PIK3C3: variants seen among roughly 807,000 people sequenced by gnomAD.
The protein encoded by PIK3C3 is PI3-kinase type 3.
In PIK3C3, 95 loss-of-function variants were observed where a neutral mutation model predicts 126.1. That is an observed-to-expected ratio of 0.75 (90% CI 0.64 to 0.89). PIK3C3 has a LOEUF of 0.89. PIK3C3 is among the 40% of genes least tolerant of loss of function. The probability of loss-of-function intolerance (pLI) is 0.00; values close to 1 mark genes in which losing one functional copy is unlikely to be tolerated. For missense variants in PIK3C3, 829 were observed against 1,063.2 expected, an observed-to-expected ratio of 0.78 and a Z score of 3.06; for synonymous variants, 374 against 360.0, an observed-to-expected ratio of 1.04 and a Z score of -0.44.
chr18:42,007,788 T>C (rs1982622544), intron 10 of PIK3C3, among the ~76,000 whole-genome samples: 1 of 152,222 alleles, frequency 6.6e-6, no homozygotes, highest in Non-Finnish European at 1.5e-5. Context: ...AAAAGCAGTC[T>C]AGTTTTTCAT....
chr18:41,979,943 G>A (rs1278276447), intron 4 of PIK3C3, among the ~76,000 whole-genome samples: 1 of 151,086 alleles, frequency 6.6e-6, no homozygotes, highest in African/African-American at 2.4e-5. Context: ...AGACTATTTT[G>A]TTTATAAATT....
intron 16 of PIK3C3, 23 bp downstream of exon 16, chr18:42,033,980 G>A (rs755358159): frequency 1.3e-6 from 2 of 1,526,428 alleles, no homozygotes; most frequent in East Asian, 4.8e-5. Flanking sequence ...GATATTTAAT[G>A]TGTATGATTG....
At chr18:42,046,144 T>C (rs1447220681) in intron 20 of PIK3C3, among the ~76,000 whole-genome samples, 2 of 152,200 alleles carry the variant, frequency 1.3e-5, no homozygotes, top group African/African-American at 4.8e-5. Context: ...CATTATATCT[T>C]ATCTCTCCCC....
chr18:42,042,064 T>G (rs1567996824), intron 19 of PIK3C3, among the ~76,000 whole-genome samples: 1 of 152,180 alleles, frequency 6.6e-6, no homozygotes, highest in Non-Finnish European at 1.5e-5. Context: ...GATTGTTTGT[T>G]CAAATAATAT....
intron 21 of PIK3C3, among the ~76,000 whole-genome samples, chr18:42,054,302 G>A (rs891385323): frequency 2.0e-5 from 3 of 150,062 alleles, no homozygotes; most frequent in Non-Finnish European, 4.4e-5. Flanking sequence ...TGAAGAACTT[G>A]GAGTCGGATG....
chr18:42,025,563 A>G (rs970031743), intron 13 of PIK3C3: 2 of 152,212 alleles, frequency 1.3e-5, no homozygotes, highest in Non-Finnish European at 2.9e-5. Context: ...GAACCCTGCT[A>G]CATGAGAATT....
chr18:41,990,448 T>C lies in PIK3C3; in HGVS notation c.619-11T>C. The C allele has an allele frequency of 3.4e-6, 5 of 1,456,844 alleles. No homozygotes were observed. The highest frequency in any genetic ancestry group is 9.6e-7 in the Non-Finnish European group (1 of 1,038,890). 90.2% of individuals were successfully genotyped at this position (1,456,844 alleles called of 1,614,324 possible). A position where few individuals can be genotyped will look rare whatever the true frequency, so the allele number is the denominator to read the frequency against. Reference sequence around the variant, plus strand: ...ATAATCATTTTTCATGAAAATCATTTTTTTTTTCAGAGTGAAAAACGAAGT... The same window carrying C: ...ATAATCATTTTTCATGAAAATCATTCTTTTTTTCAGAGTGAAAAACGAAGT... On this transcript the variant is annotated splice_polypyrimidine_tract_variant and intron_variant, in intron 5 of 24. Coordinates refer to ENST00000262039, the MANE Select transcript of PIK3C3 (RefSeq NM_002647.4).
At chr18:41,975,762 C>T (rs540977819) in intron 4 of PIK3C3, among the ~76,000 whole-genome samples, 3 of 150,178 alleles carry the variant, frequency 2.0e-5, no homozygotes, top group South Asian at 4.2e-4. Context: ...TGCAGTGGCA[C>T]GATGTCAGCT....
At chr18:42,071,610 G>A (rs1236869921) in intron 24 of PIK3C3, among the ~76,000 whole-genome samples, 1 of 151,512 alleles carries the variant, frequency 6.6e-6, no homozygotes, top group Non-Finnish European at 1.5e-5. Flanking sequence ...ATCCCAGCTA[G>A]TCGGGAGGCT....
intron 16 of PIK3C3, among the ~76,000 whole-genome samples, chr18:42,034,248 C>T (rs1429662452): frequency 2.0e-5 from 3 of 151,882 alleles, no homozygotes; most frequent in Admixed American, 2.0e-4. Context: ...GAGATGGGTC[C>T]TCACTTTGTT....
At chr18:42,076,103 T>TGC (rs1371001159) in intron 24 of PIK3C3, among the ~76,000 whole-genome samples, 2 of 66,578 alleles carry the variant, frequency 3.0e-5, no homozygotes, top group African/African-American at 7.8e-5. Flanking sequence ...TATATATATA[T>TGC]ATATATATAT....
At chr18:42,021,730 A>G (rs533152991) in intron 13 of PIK3C3, among the ~76,000 whole-genome samples, 1 of 152,344 alleles carries the variant, frequency 6.6e-6, no homozygotes, top group East Asian at 1.9e-4. Flanking sequence ...ACCAAATCCA[A>G]AAATTTGAAA....
At chr18:41,966,876 A>C (rs890919287) in intron 3 of PIK3C3, among the ~76,000 whole-genome samples, 1 of 152,128 alleles carries the variant, frequency 6.6e-6, no homozygotes, top group Non-Finnish European at 1.5e-5. Context: ...CAGTTATCCA[A>C]ACATAACTAA....
At chr18:42,024,607 G>A (rs113863789) in intron 13 of PIK3C3, among the ~76,000 whole-genome samples, 1 of 148,564 alleles carries the variant, frequency 6.7e-6, no homozygotes, top group Non-Finnish European at 1.5e-5. Flanking sequence ...GGCTAATTTT[G>A]TATTTTTAGT....
In PIK3C3 at chr18:42,086,406, T is replaced by G. The variant is rs1986399702; in HGVS notation, c.*5269T>G. On this transcript the variant is annotated 3_prime_UTR_variant, in exon 25 of 25. Transcript: ENST00000262039. ...TGAACTAGAGCAACTCCATCTTGAGTAGGGACTGGGTATAATGAAGCTGAG... is the reference window on the plus strand; with the variant it reads ...TGAACTAGAGCAACTCCATCTTGAGGAGGGACTGGGTATAATGAAGCTGAG... The G allele has an allele frequency of 1.3e-5, 2 of 152,062 alleles. No individual in the cohort carries two copies. The highest frequency in any genetic ancestry group is 4.8e-5 in the African/African-American group (2 of 41,392). The allele number at this position is 152,062 out of a possible 1,614,324, so 9.4% of individuals were successfully genotyped here.
chr18:41,973,517 A>G (rs1237910865), intron 4 of PIK3C3, among the ~76,000 whole-genome samples: 1 of 152,104 alleles, frequency 6.6e-6, no homozygotes, highest in Non-Finnish European at 1.5e-5. Context: ...TCTTAAAATT[A>G]TATTCTTAAC....
intron 4 of PIK3C3, among the ~76,000 whole-genome samples, chr18:41,977,683 C>A (rs931920969): frequency 3.9e-5 from 6 of 152,076 alleles, no homozygotes; most frequent in African/African-American, 1.4e-4. Flanking sequence ...CAGGGTTTCA[C>A]CATGTTGGCC....
At chr18:41,976,265 T>A (rs1980916160) in intron 4 of PIK3C3, among the ~76,000 whole-genome samples, 1 of 152,112 alleles carries the variant, frequency 6.6e-6, no homozygotes, top group South Asian at 2.1e-4. Flanking sequence ...TCCTAGAGCA[T>A]TGATTAGAGG....
intron 13 of PIK3C3, among the ~76,000 whole-genome samples, chr18:42,022,721 A>G (rs918953635): frequency 1.3e-5 from 2 of 152,080 alleles, no homozygotes; most frequent in Admixed American, 1.3e-4. Context: ...AGTTTAATAT[A>G]ATATTCATAA....
Sources: gnomAD v4.1 joint callset for allele counts (sites outside exome capture counted in the v4.1 genomes callset) on GRCh38, gnomAD v4.1.1 for gene constraint, MANE v1.5 for transcripts, NCBI Gene and HGNC (gene_info 2026-07-23, HGNC 2026-07-21) for gene names.